CSNK1G3: variants seen among roughly 807,000 people sequenced by gnomAD.
The protein encoded by CSNK1G3 is casein kinase 1 gamma 3, also known as casein kinase I isoform gamma-3.
Under a neutral mutation model 64.3 loss-of-function variants are expected in CSNK1G3, and 23 were observed. That is an observed-to-expected ratio of 0.36 (90% confidence interval 0.26 to 0.51). The LOEUF (loss-of-function observed/expected upper bound fraction) is 0.51. Among genes scored for constraint, CSNK1G3 ranks in the 20% least tolerant of loss-of-function variants. The pLI is 0.96. For missense variants in CSNK1G3, 357 were observed against 510.5 expected (o/e 0.70, Z 2.90); for synonymous variants, 158 against 162.2 (o/e 0.97, Z 0.20).
At chr5:123,523,794 A>G (rs998790098) in intron 1 of CSNK1G3, among the ~76,000 whole-genome samples, 1 of 152,234 alleles carries the variant, frequency 6.6e-6, no homozygotes, top group Non-Finnish European at 1.5e-5. Context: ...TGTTTGGTAC[A>G]AATTGATTTT....
At chr5:123,616,201 T>C (rs1749423002) in exon 13 of CSNK1G3, 1 of 152,638 alleles carries the variant, frequency 6.6e-6, no homozygotes, top group African/African-American at 2.4e-5. Context: ...AGTTACATAC[T>C]GAGTTTATAT....
At chr5:123,583,649 C>G (rs944490586) in intron 6 of CSNK1G3, among the ~76,000 whole-genome samples, 7 of 152,096 alleles carry the variant, frequency 4.6e-5, no homozygotes, top group Admixed American at 3.9e-4. Context: ...CAGGCGTGAG[C>G]CACCGCGCCC....
At chr5:123,543,684 C>T (rs534640796) in intron 1 of CSNK1G3, among the ~76,000 whole-genome samples, 42 of 152,186 alleles carry the variant, frequency 2.8e-4, no homozygotes, top group Non-Finnish European at 5.3e-4. Flanking sequence ...TGCGACTCAC[C>T]TTTTGTGTTT....
At chr5:123,525,084 G>A (rs201796570) in intron 1 of CSNK1G3, among the ~76,000 whole-genome samples, 3,579 of 152,214 alleles carry the variant, frequency 0.024, 66 homozygotes, top group Middle Eastern at 0.037. Context: ...ATTGTAGTTC[G>A]TATCATATTT....
intron 4 of CSNK1G3, among the ~76,000 whole-genome samples, chr5:123,558,122 CTAGAG>C (rs942122211): frequency 5.9e-5 from 9 of 152,284 alleles, no homozygotes; most frequent in African/African-American, 2.2e-4. Context: ...CCTAGAGTCT[CTAGAG>C]GGAGTGTGGC....
intron 4 of CSNK1G3, among the ~76,000 whole-genome samples, chr5:123,565,506 G>A (rs1298860361): frequency 6.6e-6 from 1 of 152,184 alleles, no homozygotes; most frequent in Non-Finnish European, 1.5e-5. Flanking sequence ...CTTAATCAGA[G>A]CTGTTTAAAT....
intron 1 of CSNK1G3, among the ~76,000 whole-genome samples, chr5:123,527,135 G>A (rs1779234043): frequency 6.6e-6 from 1 of 152,144 alleles, no homozygotes; most frequent in Non-Finnish European, 1.5e-5. Context: ...TATCCTGAAT[G>A]TGATATTTTC....
At chr5:123,614,965 T>C (rs1485707560) in exon 13 of CSNK1G3, 1 of 152,662 alleles carries the variant, frequency 6.6e-6, no homozygotes. Context: ...CGTGAAATCA[T>C]GGTACAGTCA....
intron 3 of CSNK1G3, among the ~76,000 whole-genome samples, chr5:123,554,588 A>G (rs181264605): frequency 3.3e-5 from 5 of 152,208 alleles, no homozygotes; most frequent in Non-Finnish European, 7.3e-5. Context: ...CGGCCTCCCA[A>G]AGTGCTGGGA....
At chr5:123,593,187 G>C (rs1363640009) in intron 10 of CSNK1G3, among the ~76,000 whole-genome samples, 2 of 111,578 alleles carry the variant, frequency 1.8e-5, no homozygotes, top group African/African-American at 7.3e-5. Flanking sequence ...TGTAGGGTGG[G>C]TGTGTGTGTA....
At chr5:123,588,449 A>G in exon 8 of CSNK1G3, 1 of 1,612,464 alleles carries the variant, frequency 6.2e-7, no homozygotes, top group Non-Finnish European at 8.5e-7. Flanking sequence ...AAGGAGAGGT[A>G]TCAGAAAATT....
At chr5:123,576,999 A>C (rs1789290639) in intron 6 of CSNK1G3, among the ~76,000 whole-genome samples, 1 of 152,004 alleles carries the variant, frequency 6.6e-6, no homozygotes, top group Non-Finnish European at 1.5e-5. Context: ...TGAACTTATT[A>C]ATTCTTATCT....
chr5:123,532,850 C>G (rs1780153154), intron 1 of CSNK1G3, among the ~76,000 whole-genome samples: 1 of 151,832 alleles, frequency 6.6e-6, no homozygotes, highest in East Asian at 1.9e-4. Context: ...AAGCAATAGT[C>G]TCTTGCCCTT....
At chr5:123,608,236 C>T (rs1795705999) in intron 12 of CSNK1G3, among the ~76,000 whole-genome samples, 1 of 152,142 alleles carries the variant, frequency 6.6e-6, no homozygotes, top group African/African-American at 2.4e-5. Context: ...TCTCACCCCA[C>T]CCCATTTACT....
intron 1 of CSNK1G3, among the ~76,000 whole-genome samples, chr5:123,537,044 T>G (rs1780954231): frequency 1.3e-5 from 2 of 152,132 alleles, no homozygotes; most frequent in Non-Finnish European, 2.9e-5. Flanking sequence ...CTCAAATAAC[T>G]GAAAATAGAA....
intron 1 of CSNK1G3, among the ~76,000 whole-genome samples, chr5:123,514,599 G>GGT (rs370093568): frequency 4.6e-5 from 7 of 151,892 alleles, no homozygotes; most frequent in South Asian, 2.1e-4. Flanking sequence ...GGAAGCATGG[G>GGT]GTGTGTGTGT....
intron 6 of CSNK1G3, among the ~76,000 whole-genome samples, chr5:123,578,409 T>C (rs960839937): frequency 6.6e-6 from 1 of 151,970 alleles, no homozygotes; most frequent in African/African-American, 2.4e-5. Context: ...TTCTGAGATC[T>C]GTTTCATGTA....
At chr5:123,588,338 A>G (rs1287715586) in intron 7 of CSNK1G3, 89 bp from the exon 8 acceptor site, 1 of 1,207,936 alleles carries the variant, frequency 8.3e-7, no homozygotes, top group African/African-American at 1.5e-5. Context: ...TGGCCTTCCA[A>G]AGCTCTGTGA....
intron 1 of CSNK1G3, among the ~76,000 whole-genome samples, chr5:123,540,835 C>T (rs1325210159): frequency 6.6e-6 from 1 of 152,088 alleles, no homozygotes; most frequent in Non-Finnish European, 1.5e-5. Flanking sequence ...CCATGTTGGC[C>T]AGGCTGGTCT....
Sources: allele counts gnomAD v4.1 joint callset (sites outside exome capture counted in the v4.1 genomes callset), GRCh38; gene constraint gnomAD v4.1.1; transcripts MANE v1.5; gene names NCBI Gene and HGNC (gene_info 2026-07-23, HGNC 2026-07-21).